TXNDC16: variants seen among roughly 807,000 people sequenced by gnomAD.
The protein encoded by TXNDC16 is thioredoxin domain containing 16.
TXNDC16 carries 74 observed loss-of-function variants against 85.6 expected under a neutral mutation model. That is an observed-to-expected ratio of 0.86 (90% CI 0.72 to 1.05). The LOEUF (loss-of-function observed/expected upper bound fraction) is 1.05. Among genes scored for constraint, TXNDC16 ranks in the 50% least tolerant of loss-of-function variants. The pLI is 0.00. For synonymous variants in TXNDC16, 335 were observed against 326.5 expected, an observed-to-expected ratio of 1.03 and a Z score of -0.28; for missense variants, 959 against 947.0, an observed-to-expected ratio of 1.01 and a Z score of -0.17.
chr14:52,473,437 T>A (rs1316365583), intron 14 of TXNDC16, among the ~76,000 whole-genome samples: 1 of 152,154 alleles, frequency 6.6e-6, no homozygotes, highest in Non-Finnish European at 1.5e-5. Flanking sequence ...TCAATAAGCA[T>A]CCTCAGCATG....
rs534169996 is a variant in TXNDC16 at position 52,435,996 on chromosome 14, G to A, written c.2194+3208C>T. 1.4e-4 allele frequency among the ~76,000 whole-genome samples: 22 copies of A among 151,782 alleles called. No individual in the cohort carries two copies. The South Asian group carries it at 4.6e-3, about 32-fold the overall frequency. On this transcript the variant is annotated intron_variant, in intron 20 of 20. Coordinates refer to ENST00000281741, the MANE Select transcript of TXNDC16 (RefSeq NM_020784.3). The stretch of plus-strand genomic sequence containing the variant: ...CCTGTCTCAAAAAAAATAACAAAAT[G>A]AAATAAAAGAAAATGAAAAACAAAG...
chr14:52,490,783 A>C (rs1594723332), intron 10 of TXNDC16, 56 bp downstream of exon 10: 2 of 1,546,768 alleles, frequency 1.3e-6, no homozygotes, highest in Non-Finnish European at 8.8e-7. Context: ...ATATTTTAAA[A>C]CGTGGAAACT....
chr14:52,514,165 G>T (rs1219884316), intron 8 of TXNDC16, among the ~76,000 whole-genome samples: 2 of 152,082 alleles, frequency 1.3e-5, no homozygotes, highest in Non-Finnish European at 2.9e-5. Context: ...AGTTTGCTAT[G>T]CCCTAGCCTC....
intron 6 of TXNDC16, among the ~76,000 whole-genome samples, chr14:52,529,567 T>C (rs1383074109): frequency 1.1e-5 from 1 of 94,138 alleles, no homozygotes; most frequent in African/African-American, 4.8e-5. Context: ...ATAATGCCTA[T>C]TATATATAAT....
chr14:52,531,581 G>C (rs2037581600), intron 6 of TXNDC16, among the ~76,000 whole-genome samples: 1 of 152,164 alleles, frequency 6.6e-6, no homozygotes, highest in Non-Finnish European at 1.5e-5. Context: ...CATGCTATAT[G>C]ATTCCAATTG....
intron 9 of TXNDC16, among the ~76,000 whole-genome samples, chr14:52,506,061 T>C (rs1437776846): frequency 6.6e-6 from 1 of 152,180 alleles, no homozygotes; most frequent in Non-Finnish European, 1.5e-5. Flanking sequence ...TAACAGGCTC[T>C]GAAATTGAGG....
chr14:52,497,232 TAGA>T (rs2036553214), intron 9 of TXNDC16, among the ~76,000 whole-genome samples: 1 of 152,062 alleles, frequency 6.6e-6, no homozygotes, highest in African/African-American at 2.4e-5. Context: ...TTTGATAACT[TAGA>T]AGAAATAAAT....
At chr14:52,483,447 C>G (rs968729272) in intron 12 of TXNDC16, among the ~76,000 whole-genome samples, 2 of 152,122 alleles carry the variant, frequency 1.3e-5, no homozygotes, top group African/African-American at 4.8e-5. Flanking sequence ...GATTGGGAAG[C>G]CCAAAGTCTG....
At chr14:52,525,456 C>T (rs1194131370) in intron 6 of TXNDC16, among the ~76,000 whole-genome samples, 2 of 151,146 alleles carry the variant, frequency 1.3e-5, no homozygotes, top group African/African-American at 2.4e-5. Context: ...CTTTAGGAGG[C>T]CGAGGTGGGC....
chr14:52,478,134 A>C (rs1362790285), intron 14 of TXNDC16, among the ~76,000 whole-genome samples: 1 of 152,168 alleles, frequency 6.6e-6, no homozygotes, highest in Non-Finnish European at 1.5e-5. Context: ...AAACTGAATG[A>C]CAATAGTGAC....
rs1472741170 is a variant in TXNDC16 at position 52,490,391 on chromosome 14, C to T, written c.984G>A (p.Glu328=). ...DANVVFKRAE[E]GVPVEFLVLH... The stretch of plus-strand genomic sequence containing the variant: ...TAGAACAATACATAAAACAACTAAC[C>T]TCTTCTGCTCTTTTGAAGACCACAT... The change falls in exon 11 of 21, where the codon GAG becomes GAA. Residue 328 remains glutamate, a splice_region_variant and synonymous_variant. Coordinates refer to ENST00000281741, the MANE Select transcript of TXNDC16 (RefSeq NM_020784.3). The T allele has an allele frequency of 1.3e-6, 2 of 1,589,536 alleles. No homozygotes were observed. Among genetic ancestry groups the T allele is most frequent in the South Asian group, 1.2e-5 (1 of 85,764 alleles).
At chr14:52,547,715 G>T (rs1270120360) in intron 1 of TXNDC16, among the ~76,000 whole-genome samples, 4 of 152,142 alleles carry the variant, frequency 2.6e-5, no homozygotes, top group African/African-American at 9.7e-5. Flanking sequence ...TGTTCAACAG[G>T]GGGTGGCAGA....
intron 6 of TXNDC16, among the ~76,000 whole-genome samples, chr14:52,530,364 A>C (rs1304554341): frequency 2.7e-5 from 1 of 37,104 alleles, no homozygotes; most frequent in South Asian, 9.8e-4. Context: ...TATAATATAT[A>C]TTATTATATA....
intron 6 of TXNDC16, among the ~76,000 whole-genome samples, chr14:52,525,132 C>T (rs1016751818): frequency 1.1e-4 from 16 of 151,824 alleles, no homozygotes; most frequent in Non-Finnish European, 2.4e-4. Context: ...AAAGAATGGC[C>T]TTTCATTGCA....
At chr14:52,511,094 A>T in intron 9 of TXNDC16, 146 bp downstream of exon 9, 3 of 591,832 alleles carry the variant, frequency 5.1e-6, no homozygotes, top group Non-Finnish European at 7.8e-6. Context: ...AATGAAAAAA[A>T]GGGAAAAGCT....
intron 16 of TXNDC16, among the ~76,000 whole-genome samples, chr14:52,469,305 C>A (rs771274604): frequency 6.6e-6 from 1 of 151,710 alleles, no homozygotes; most frequent in Non-Finnish European, 1.5e-5. Context: ...CGAGATCATG[C>A]CATTGCACTC....
chr14:52,529,363 C>T (rs1207616106), intron 6 of TXNDC16, among the ~76,000 whole-genome samples: 1 of 150,620 alleles, frequency 6.6e-6, no homozygotes, highest in African/African-American at 2.4e-5. Context: ...AGGAGATATA[C>T]CTAATATTAA....
rs763364986 is a variant in TXNDC16, at chr14:52,482,330, T to C, written c.1253-41A>G. 8 of 1,528,812 alleles carry C rather than the reference T, an allele frequency of 5.2e-6. No individual in the cohort carries two copies. The East Asian group carries it at 9.0e-5, about 17-fold the overall frequency. The allele number at this position is 1,528,812 out of a possible 1,614,324, so 94.7% of individuals were successfully genotyped here. ...AAATTCAACAGATATTACATGTATA[T>C]CTACAAAGCATCCACACTGATATGT... On this transcript the variant is annotated intron_variant, in intron 13 of 20. Coordinates refer to ENST00000281741, the MANE Select transcript of TXNDC16 (RefSeq NM_020784.3).
In TXNDC16 at chr14:52,490,887, C is replaced by A. The variant is rs1434954709; in HGVS notation, c.875G>T (p.Trp292Leu). Reference protein sequence around the residue: ...TYEADRRTAEWVAWRLLGKAG... With the variant: ...TYEADRRTAELVAWRLLGKAG... ...TTTTCCCAGAAGACGCCAAGCAACC[C>A]ATTCTGCAGTTCTTCTATCAGCTTC... Residue 292 changes from tryptophan (W) to leucine (L), a missense_variant, in exon 10 of 21, where the codon TGG (tryptophan) becomes TTG (leucine). By Grantham distance (61) the Trp-to-Leu change is moderately conservative. Transcript: ENST00000281741. 1.9e-6 allele frequency: 3 copies of A among 1,612,384 alleles called. No individual in the cohort carries two copies. In the Admixed American group the frequency reaches 5.0e-5, roughly 27 times the overall value.
Sources: gnomAD v4.1 joint callset for allele counts (sites outside exome capture counted in the v4.1 genomes callset) on GRCh38, gnomAD v4.1.1 for gene constraint, MANE v1.5 for transcripts, NCBI Gene and HGNC (gene_info 2026-07-23, HGNC 2026-07-21) for gene names.